The following NAV2 variants were observed in gnomAD, a reference collection of about 807,000 sequenced individuals.
NAV2 encodes helicase, APC down-regulated 1.
In NAV2, 54 loss-of-function variants were observed where a neutral mutation model predicts 223.2. The observed-to-expected ratio is 0.24, with a 90% CI of 0.19 to 0.30. The LOEUF is 0.30. NAV2 is among the 10% of genes least tolerant of loss of function. NAV2 has a pLI of 1.00. For synonymous variants in NAV2, 1,279 were observed against 1,239.3 expected, an observed-to-expected ratio of 1.03 and a Z score of -0.67; for missense variants, 2,806 against 3,147.5, an observed-to-expected ratio of 0.89 and a Z score of 2.60.
chr11:20,001,135 C>T (rs2052501409), intron 11 of NAV2, among the ~76,000 whole-genome samples: 1 of 152,180 alleles, frequency 6.6e-6, no homozygotes, highest in Non-Finnish European at 1.5e-5. Context: ...CTCTAGCACG[C>T]TCCGGGGTAT....
At chr11:20,000,080 C>T (rs1343798318) in intron 11 of NAV2, among the ~76,000 whole-genome samples, 2 of 152,208 alleles carry the variant, frequency 1.3e-5, no homozygotes, top group Non-Finnish European at 2.9e-5. Flanking sequence ...TCCCTGACCT[C>T]TGTCCTTGGG....
intron 1 of NAV2, among the ~76,000 whole-genome samples, chr11:19,422,111 C>A (rs907087431): frequency 6.6e-6 from 1 of 152,208 alleles, no homozygotes. Context: ...AGGTCACACA[C>A]AGAGGCAGAT....
At chr11:20,014,174 TCCCCGATTACACTTCCCCCTCCTCA>T (rs996688542) in intron 11 of NAV2, among the ~76,000 whole-genome samples, 3 of 152,152 alleles carry the variant, frequency 2.0e-5, no homozygotes, top group African/African-American at 7.2e-5. Flanking sequence ...CCCTTCCTTC[TCCCCGATTACACTTCCCCCTCCTCA>T]CCCCAGCCAC....
At chr11:19,598,042 G>A (rs568052345) in intron 1 of NAV2, among the ~76,000 whole-genome samples, 6 of 152,224 alleles carry the variant, frequency 3.9e-5, no homozygotes, top group South Asian at 2.1e-4. Context: ...ATGCCCTTCT[G>A]CTGCCCTGGG....
chr11:20,047,723 G>A (rs1175607857), intron 14 of NAV2, among the ~76,000 whole-genome samples: 1 of 152,156 alleles, frequency 6.6e-6, no homozygotes, highest in Non-Finnish European at 1.5e-5. Context: ...TTGATTGATT[G>A]TCTTTACAAT....
upstream of NAV2, among the ~76,000 whole-genome samples, chr11:19,348,146 C>T (rs901875366): frequency 6.6e-5 from 10 of 152,142 alleles, no homozygotes; most frequent in Non-Finnish European, 1.3e-4. Flanking sequence ...GCACTTGGGG[C>T]GTGTGCGCCG....
intron 1 of NAV2, among the ~76,000 whole-genome samples, chr11:19,652,766 G>A (rs1565139422): frequency 6.6e-6 from 1 of 152,170 alleles, no homozygotes; most frequent in Non-Finnish European, 1.5e-5. Context: ...TGACTACCAA[G>A]CTTTTTTAGC....
intron 1 of NAV2, among the ~76,000 whole-genome samples, chr11:19,413,750 A>C (rs1850244082): frequency 6.6e-6 from 1 of 152,188 alleles, no homozygotes; most frequent in Admixed American, 6.5e-5. Flanking sequence ...TACAAGCCAG[A>C]AGAGAGTGGG....
At chr11:19,960,333 C>T (rs575808617) in intron 10 of NAV2, among the ~76,000 whole-genome samples, 33 of 152,228 alleles carry the variant, frequency 2.2e-4, no homozygotes, top group African/African-American at 7.9e-4. Flanking sequence ...GTGTGGCATC[C>T]CTTCTGTGTG....
chr11:19,356,234 C>A (rs1853607636), intron 1 of NAV2, among the ~76,000 whole-genome samples: 1 of 152,156 alleles, frequency 6.6e-6, no homozygotes, highest in African/African-American at 2.4e-5. Flanking sequence ...AGATGCAACT[C>A]CATTCAGTAA....
intron 1 of NAV2, among the ~76,000 whole-genome samples, chr11:19,598,134 C>T (rs11822097): frequency 0.11 from 16,074 of 152,288 alleles, 2,171 homozygotes; most frequent in African/African-American, 0.32. Flanking sequence ...GATGGAAGAG[C>T]GGCTTTTGGG....
At chr11:19,848,656 A>G (rs1044668825) in intron 3 of NAV2, among the ~76,000 whole-genome samples, 1 of 152,216 alleles carries the variant, frequency 6.6e-6, no homozygotes, top group Admixed American at 6.5e-5. Context: ...CCATGAGACA[A>G]TCTACATGAA....
chr11:19,954,401 C>A (rs960484446), intron 10 of NAV2, among the ~76,000 whole-genome samples: 2 of 152,098 alleles, frequency 1.3e-5, no homozygotes, highest in Non-Finnish European at 1.5e-5. Context: ...CTCATTCATG[C>A]TGAATTAATT....
chr11:19,414,112 G>T lies in NAV2; in HGVS notation c.75+63085G>T, dbSNP rs577581277. 3.3e-5 allele frequency among the ~76,000 whole-genome samples: 5 copies of T among 152,294 alleles called. No individual in the cohort carries two copies. The South Asian group carries it at 8.3e-4, about 25-fold the overall frequency. ...AATGGGCTAAATGCCCCATTTAAAA[G>T]ACACAGACTAGCAAATTGGATAGAG... On this transcript the variant is annotated intron_variant, in intron 1 of 37. Transcript: ENST00000360655.
intron 11 of NAV2, among the ~76,000 whole-genome samples, chr11:19,995,841 G>A (rs998086395): frequency 2.0e-5 from 3 of 152,108 alleles, no homozygotes; most frequent in African/African-American, 4.8e-5. Flanking sequence ...TTTTTTGGGT[G>A]CTTTGACTCA....
At chr11:20,082,896 G>C (rs1414502079) in intron 25 of NAV2, 111 bp from the exon 26 acceptor site, 9 of 1,052,728 alleles carry the variant, frequency 8.5e-6, no homozygotes, top group African/African-American at 4.8e-5. Flanking sequence ...TTCCATTGGT[G>C]GGGGGAAAAA....
intron 1 of NAV2, among the ~76,000 whole-genome samples, chr11:19,385,584 C>A (rs879321949): frequency 1.3e-5 from 2 of 152,134 alleles, no homozygotes; most frequent in Non-Finnish European, 2.9e-5. Context: ...CTGTCATTTT[C>A]TTCACAACTT....
intron 1 of NAV2, among the ~76,000 whole-genome samples, chr11:19,678,131 T>G (rs562300227): frequency 1.3e-4 from 20 of 151,988 alleles, no homozygotes; most frequent in African/African-American, 4.8e-4. Flanking sequence ...CAGAGGGGAG[T>G]TGAGTCCCAA....
chr11:19,711,557 G>A (rs1299168407), upstream of NAV2: 1 of 152,202 alleles, frequency 6.6e-6, no homozygotes, highest in Non-Finnish European at 1.5e-5. Context: ...GGGGATTACG[G>A]GTTTAACATG....
Sources: gnomAD v4.1 joint callset for allele counts (sites outside exome capture counted in the v4.1 genomes callset) on GRCh38, gnomAD v4.1.1 for gene constraint, MANE v1.5 for transcripts, NCBI Gene and HGNC (gene_info 2026-07-23, HGNC 2026-07-21) for gene names.